The following FAM83G variants were observed in gnomAD, a reference collection of about 807,000 sequenced individuals.
FAM83G encodes the protein scaffolding CK1 anchoring protein G, also known as protein FAM83G.
A neutral mutation model predicts 61.5 loss-of-function variants in FAM83G; 38 were observed. The observed-to-expected ratio is 0.62, with a 90% CI of 0.48 to 0.81. The LOEUF is 0.81. Ranked by LOEUF, FAM83G falls within the 30% of genes least tolerant of loss-of-function variation. The probability of loss-of-function intolerance (pLI) is 0.00; values close to 1 mark genes in which losing one functional copy is unlikely to be tolerated. For synonymous variants in FAM83G, 470 were observed against 476.1 expected, an observed-to-expected ratio of 0.99 and a Z score of 0.17; for missense variants, 989 against 1,133.6, an observed-to-expected ratio of 0.87 and a Z score of 1.83.
intron 2 of FAM83G, among the ~76,000 whole-genome samples, chr17:18,994,489 A>C (rs572244105): frequency 8.5e-5 from 13 of 152,354 alleles, no homozygotes; most frequent in African/African-American, 3.1e-4. Context: ...TGGAGTCTTC[A>C]GCTGATAGCC....
intron 2 of FAM83G, among the ~76,000 whole-genome samples, chr17:18,994,708 T>G (rs2043521053): frequency 6.6e-6 from 1 of 152,176 alleles, no homozygotes; most frequent in African/African-American, 2.4e-5. Flanking sequence ...GGATACTGCC[T>G]CAGCAGTTGA....
Position 19,004,282 on chromosome 17 carries a change from C to A in FAM83G, c.-128-113G>T. The A allele has an allele frequency of 2.0e-6, 1 of 488,704 alleles. No homozygotes were observed. The highest frequency in any genetic ancestry group is 3.6e-6 in the Non-Finnish European group (1 of 277,714). The allele number at this position is 488,704 out of a possible 1,614,324, so 30.3% of individuals were successfully genotyped here. A position where few individuals can be genotyped will look rare whatever the true frequency, so the allele number is the denominator to read the frequency against. Reference sequence around the variant, plus strand: ...GGGCGTGGGAAGGACGGGGCTGGGGCTGGGGCTGGGAAGATGAGGTGGGGG... The same window carrying A: ...GGGCGTGGGAAGGACGGGGCTGGGGATGGGGCTGGGAAGATGAGGTGGGGG... On this transcript the variant is annotated intron_variant, in intron 1 of 5. Transcript: ENST00000388995. The surrounding 1 kb of genome is among the most constrained non-coding windows in gnomAD (Gnocchi z 5.4).
intron 3 of FAM83G, among the ~76,000 whole-genome samples, chr17:18,985,778 G>A (rs1007771661): frequency 1.9e-4 from 29 of 152,206 alleles, no homozygotes; most frequent in African/African-American, 5.8e-4. Context: ...CTGGGGAAGC[G>A]AGGCGGCTGA....
chr17:18,990,257 GT>G (rs2043380847), intron 2 of FAM83G, among the ~76,000 whole-genome samples: 1 of 152,188 alleles, frequency 6.6e-6, no homozygotes, highest in Admixed American at 6.5e-5. Context: ...TGGAGCGGGG[GT>G]AGATGATAGG....
intron 3 of FAM83G, among the ~76,000 whole-genome samples, chr17:18,980,415 AAGG>A (rs1275599261): frequency 6.6e-6 from 1 of 152,108 alleles, no homozygotes; most frequent in Non-Finnish European, 1.5e-5. Context: ...GCTGAGACCC[AAGG>A]AGAAGAGGGC....
chr17:18,988,191 A>G (rs1259954579), intron 3 of FAM83G, 56 bp downstream of exon 3: 22 of 1,584,842 alleles, frequency 1.4e-5, no homozygotes, highest in Non-Finnish European at 1.8e-5. Flanking sequence ...GTGTTTGTTG[A>G]CAGACTGAAT....
At position 18,996,439 on chromosome 17, in the gene FAM83G, G is replaced by C. The variant is rs2152137400; in HGVS notation, c.522+7081C>G. Among the ~76,000 whole-genome samples, 1 of 152,190 alleles carries C rather than the reference G, an allele frequency of 6.6e-6. No homozygotes were observed. The highest frequency in any genetic ancestry group is 2.4e-5 in the African/African-American group (1 of 41,538). On this transcript the variant is annotated intron_variant, in intron 2 of 5. Transcript: ENST00000388995. The surrounding 1 kb of genome is among the most constrained non-coding windows in gnomAD (Gnocchi z 4.4). ...AGGCCCAAGAAGGTTCTCTGGGTTAGGAAGTTCTCCTAGGATCCCTGGGTG... is the reference window on the plus strand; with the variant it reads ...AGGCCCAAGAAGGTTCTCTGGGTTACGAAGTTCTCCTAGGATCCCTGGGTG...
Position 18,971,794 on chromosome 17 carries a change from C to A in FAM83G, c.2083-46G>T. 6.6e-7 allele frequency: 1 copy of A among 1,521,618 alleles called. No individual in the cohort carries two copies. Among genetic ancestry groups the A allele is most frequent in the Non-Finnish European group, 8.8e-7 (1 of 1,135,392 alleles). The allele number at this position is 1,521,618 out of a possible 1,614,324, so 94.3% of individuals were successfully genotyped here. A position where few individuals can be genotyped will look rare whatever the true frequency, so the allele number is the denominator to read the frequency against. On this transcript the variant is annotated intron_variant, in intron 5 of 5. Transcript: ENST00000388995. The surrounding 1 kb of genome is among the most constrained non-coding windows in gnomAD (Gnocchi z 5.5). ...AGTGAGGCTGAGCAAGAAGGGCCAA[C>A]CCCGCCCCAGCACAGGACCCTGCTC...
chr17:18,983,940 T>G (rs2043199498), intron 3 of FAM83G, among the ~76,000 whole-genome samples: 1 of 152,190 alleles, frequency 6.6e-6, no homozygotes, highest in African/African-American at 2.4e-5. Flanking sequence ...TCCCCGGCAG[T>G]GTAGGATGTT....
intron 5 of FAM83G, chr17:18,976,855 T>A (rs1292373913): frequency 6.2e-7 from 1 of 1,613,178 alleles, no homozygotes; most frequent in Admixed American, 1.7e-5. Flanking sequence ...CACCCCCAGG[T>A]CATCGTGCAG....
intron 2 of FAM83G, among the ~76,000 whole-genome samples, chr17:18,990,368 TG>T (rs1250166711): frequency 2.0e-5 from 3 of 152,160 alleles, no homozygotes; most frequent in Non-Finnish European, 2.9e-5. Flanking sequence ...CCTCCCTGCC[TG>T]GGATCTCCCA....
rs767831731 is a variant in FAM83G at position 18,977,999 on chromosome 17, C to T, written c.1667G>A (p.Arg556Gln). The T allele has an allele frequency of 1.0e-5, 16 of 1,566,828 alleles. No individual in the cohort carries two copies. Among genetic ancestry groups the T allele is most frequent in the East Asian group, 4.5e-5 (2 of 44,426 alleles). The change falls in exon 5 of 6, where the codon CGG becomes CAG. Residue 556 changes from arginine to glutamine, a missense_variant. This residue lies in a region of FAM83G where 574 missense variants were observed against 645.1 expected (regional missense o/e 0.89). Transcript: ENST00000388995. The stretch of plus-strand genomic sequence containing the variant: ...GTCATCCTGGGTCACAGATAGCTGC[C>T]GCTGGAGTGGGGCGTGGCCTGGGCC... ...MAGPGHAPLQRQLSVTQDDPE... is the reference protein window; with the variant it reads ...MAGPGHAPLQQQLSVTQDDPE...
chr17:18,976,871 ACT>A (rs763451815), intron 5 of FAM83G: 8 of 1,613,494 alleles, frequency 5.0e-6, no homozygotes, highest in Non-Finnish European at 6.8e-6. Context: ...TGCAGCGATC[ACT>A]GTCAGCCCGG....
In FAM83G at chr17:18,970,001, A is replaced by G. The variant is rs1361146440; in HGVS notation, c.*1358T>C. ...CAGGAGGATCCCTCAGAGAGTGAAC[A>G]AATCTCTAAAGACTCTTCCAGACTC... On this transcript the variant is annotated 3_prime_UTR_variant, in exon 6 of 6. Coordinates refer to ENST00000388995, the MANE Select transcript of FAM83G (RefSeq NM_001039999.3). The G allele has an allele frequency of 6.6e-6, 1 of 152,378 alleles. No homozygotes were observed. Among genetic ancestry groups the G allele is most frequent in the Non-Finnish European group, 1.5e-5 (1 of 68,166 alleles). 9.4% of individuals were successfully genotyped at this position (152,378 alleles called of 1,614,324 possible).
Position 19,000,551 on chromosome 17 carries a change from C to T in FAM83G, c.522+2969G>A, listed in dbSNP as rs1042011543. Reference sequence around the variant, plus strand: ...AACACAGCCGCTCCCCTAAGTGCTGCGTCACTTCCCTGCCCCAGGGTCTGC... The same window carrying T: ...AACACAGCCGCTCCCCTAAGTGCTGTGTCACTTCCCTGCCCCAGGGTCTGC... On this transcript the variant is annotated intron_variant, in intron 2 of 5. Coordinates refer to ENST00000388995, the MANE Select transcript of FAM83G (RefSeq NM_001039999.3). The surrounding 1 kb of genome is among the most constrained non-coding windows in gnomAD (Gnocchi z 5.2). Among the ~76,000 whole-genome samples the T allele has an allele frequency of 3.3e-5, 5 of 152,150 alleles. No individual in the cohort carries two copies. Among genetic ancestry groups the T allele is most frequent in the Non-Finnish European group, 5.9e-5 (4 of 68,004 alleles).
At chr17:18,989,355 G>A (rs2152130501) in intron 2 of FAM83G, among the ~76,000 whole-genome samples, 1 of 152,328 alleles carries the variant, frequency 6.6e-6, no homozygotes, top group Non-Finnish European at 1.5e-5. Context: ...GGTGGAGGCG[G>A]CCTGGAGCCT....
chr17:18,987,116 C>A (rs1567797176), intron 3 of FAM83G, among the ~76,000 whole-genome samples: 1 of 152,324 alleles, frequency 6.6e-6, no homozygotes, highest in Middle Eastern at 3.4e-3. Flanking sequence ...AAATTACAGG[C>A]GTGGAGCCCG....
rs773359331 is a variant in FAM83G at position 18,978,717 on chromosome 17, T to C, written c.949A>G (p.Met317Val). 10 of 1,612,806 alleles carry C rather than the reference T, an allele frequency of 6.2e-6. No homozygotes were observed. The highest frequency in any genetic ancestry group is 7.6e-6 in the Non-Finnish European group (9 of 1,179,996). ...GGCTCCGGCTCCGGTTCCTTCTCCA[T>C]AGGGATGCCCTTGAGGCTCACACTG... is the stretch of plus-strand genomic sequence containing the variant. Reference protein sequence around the residue: ...SHSVSLKGIPMEKEPEPEPIV... With the variant: ...SHSVSLKGIPVEKEPEPEPIV... Residue 317 changes from methionine (M) to valine (V), a missense_variant, in exon 5 of 6, where the codon ATG becomes GTG. Around this residue, in one of 3 missense-constraint regions of FAM83G, gnomAD observed 44 missense variants for 83.9 expected, o/e 0.52. Transcript: ENST00000388995.
intron 2 of FAM83G, among the ~76,000 whole-genome samples, chr17:18,993,817 T>G (rs77721749): frequency 0.029 from 4,423 of 152,362 alleles, 83 homozygotes; most frequent in Non-Finnish European, 0.043. Flanking sequence ...CCTGGGAAGC[T>G]GCATGACCTT....
Sources: gnomAD v4.1 joint callset for allele counts (sites outside exome capture counted in the v4.1 genomes callset) on GRCh38, gnomAD v4.1.1 for gene constraint, gnomAD v4.1.1 regional missense constraint, Gnocchi (gnomAD v3.1) non-coding constraint, MANE v1.5 for transcripts, NCBI Gene and HGNC (gene_info 2026-07-23, HGNC 2026-07-21) for gene names.